CDC123: variants seen among roughly 807,000 people sequenced by gnomAD.
CDC123 encodes the protein translation initiation factor eIF2 assembly protein.
A neutral mutation model predicts 54.4 loss-of-function variants in CDC123; 37 were observed. The ratio of observed to expected loss-of-function variants is 0.68; its 90% CI spans 0.52 to 0.89. CDC123 has a LOEUF of 0.89. CDC123 is among the 40% of genes least tolerant of loss of function. The probability of loss-of-function intolerance (pLI) is 0.00; values close to 1 mark genes in which losing one functional copy is unlikely to be tolerated. For missense variants in CDC123, 361 were observed against 412.1 expected (o/e 0.88, Z 1.07); for synonymous variants, 144 against 136.8 (o/e 1.05, Z -0.37).
intron 4 of CDC123, among the ~76,000 whole-genome samples, chr10:12,214,881 G>A (rs190944730): frequency 6.6e-6 from 1 of 152,046 alleles, no homozygotes; most frequent in Non-Finnish European, 1.5e-5. Flanking sequence ...CCTCTTTACA[G>A]GGTATAAATG....
chr10:12,229,753 C>G (rs566772471), intron 6 of CDC123, among the ~76,000 whole-genome samples: 1 of 152,120 alleles, frequency 6.6e-6, no homozygotes, highest in Non-Finnish European at 1.5e-5. Flanking sequence ...ATTTAATAAG[C>G]GATATGAAAC....
intron 2 of CDC123, among the ~76,000 whole-genome samples, chr10:12,203,431 TG>T (rs1835470136): frequency 1.3e-5 from 2 of 152,252 alleles, no homozygotes; most frequent in Admixed American, 1.3e-4. Flanking sequence ...AGGCCAAGTA[TG>T]ATGACTAGTT....
chr10:12,199,118 A>G (rs1835404934), intron 2 of CDC123, among the ~76,000 whole-genome samples: 1 of 152,164 alleles, frequency 6.6e-6, no homozygotes, highest in Non-Finnish European at 1.5e-5. Flanking sequence ...TTAAAAATTC[A>G]CTGTTGCAAA....
At chr10:12,249,871 A>G in intron 12 of CDC123, 153 bp downstream of exon 12, 2 of 1,014,922 alleles carry the variant, frequency 2.0e-6, no homozygotes, top group South Asian at 4.2e-5. Context: ...TTCTAATTAA[A>G]TATGAAATAG....
At chr10:12,221,278 C>T (rs1023270368) in intron 6 of CDC123, among the ~76,000 whole-genome samples, 11 of 2,528 alleles carry the variant, frequency 4.4e-3, no homozygotes, top group Non-Finnish European at 0.019. Context: ...TCACCAAGGT[C>T]GCCAGGGCTC....
chr10:12,228,409 GTTTT>G (rs34629160), intron 6 of CDC123, among the ~76,000 whole-genome samples: 4 of 137,834 alleles, frequency 2.9e-5, no homozygotes, highest in African/African-American at 7.7e-5. Flanking sequence ...GTTGTTTTTA[GTTTT>G]TTTTTTTTTT....
chr10:12,230,648 G>A (rs1293759559), intron 6 of CDC123, among the ~76,000 whole-genome samples: 1 of 152,206 alleles, frequency 6.6e-6, no homozygotes, highest in Non-Finnish European at 1.5e-5. Flanking sequence ...TTAAATCGTT[G>A]TTGACTGTAG....
At chr10:12,240,323 C>T (rs568353178) in intron 10 of CDC123, among the ~76,000 whole-genome samples, 15 of 152,222 alleles carry the variant, frequency 9.9e-5, no homozygotes, top group Non-Finnish European at 2.1e-4. Context: ...TGCGTTTTCC[C>T]GTGTCACCTA....
chr10:12,203,670 C>T (rs543446035), intron 2 of CDC123, among the ~76,000 whole-genome samples: 5 of 152,252 alleles, frequency 3.3e-5, no homozygotes, highest in Admixed American at 1.3e-4. Context: ...ACCAAGGAAA[C>T]GGGCACCAAG....
chr10:12,247,382 C>T (rs1246301394), intron 11 of CDC123: 1 of 120,410 alleles, frequency 8.3e-6, no homozygotes, highest in African/African-American at 3.6e-5. Flanking sequence ...CTCGCACCTC[C>T]CACTCTGGAC....
chr10:12,214,266 C>T (rs1460456561), intron 4 of CDC123, among the ~76,000 whole-genome samples: 5 of 152,124 alleles, frequency 3.3e-5, no homozygotes, highest in Admixed American at 2.0e-4. Flanking sequence ...GCAACAATGC[C>T]GTTCATAGGA....
At position 12,219,945 on chromosome 10, in the gene CDC123, C is replaced by T. The variant is rs531319357; in HGVS notation, c.440+2478C>T. Among the ~76,000 whole-genome samples, 7 of 152,324 alleles carry T rather than the reference C, an allele frequency of 4.6e-5. No homozygotes were observed. In the South Asian group the frequency reaches 1.4e-3, roughly 32 times the overall value. On this transcript the variant is annotated intron_variant, in intron 6 of 12. Transcript: ENST00000281141. ...CCTCGTGATCCGCCTGCCTAGGCCT[C>T]CCAAAGTGCTGGAATTACAGGCGTG...
chr10:12,215,748 A>G lies in CDC123; in HGVS notation c.246A>G (p.Glu82=), dbSNP rs372683395. 1 of 1,608,258 alleles carries G rather than the reference A, an allele frequency of 6.2e-7. No homozygotes were observed. Among genetic ancestry groups the G allele is most frequent in the Non-Finnish European group, 8.5e-7 (1 of 1,177,092 alleles). The change falls in exon 5 of 13, where the codon GAA becomes GAG. Residue 82 remains glutamate, a synonymous_variant. Transcript: ENST00000281141. ...DENTATLTAP[E]FPEFATKVQE... is the part of the protein sequence containing the mutation. ...TTCTTCTCTCTCTGTAGGCACCAGAATTTCCTGAGTTTGCCACTAAAGTCC... is the reference window on the plus strand; with the variant it reads ...TTCTTCTCTCTCTGTAGGCACCAGAGTTTCCTGAGTTTGCCACTAAAGTCC...
chr10:12,196,987 G>A (rs1835362223), intron 1 of CDC123, among the ~76,000 whole-genome samples: 1 of 152,104 alleles, frequency 6.6e-6, no homozygotes, highest in African/African-American at 2.4e-5. Flanking sequence ...GATTTTCTGA[G>A]CCAACATTTC....
intron 4 of CDC123, among the ~76,000 whole-genome samples, chr10:12,214,899 A>G (rs1835644058): frequency 6.6e-6 from 1 of 152,154 alleles, no homozygotes; most frequent in South Asian, 2.1e-4. Context: ...ATGAAAATTA[A>G]TGACTGCGTG....
Position 12,215,751 on chromosome 10 carries a change from T to C in CDC123, c.249T>C (p.Phe83=). The part of the protein sequence containing the change: ...ENTATLTAPE[F]PEFATKVQEA... Reference sequence around the variant, plus strand: ...TTCTCTCTCTGTAGGCACCAGAATTTCCTGAGTTTGCCACTAAAGTCCAGG... The same window carrying C: ...TTCTCTCTCTGTAGGCACCAGAATTCCCTGAGTTTGCCACTAAAGTCCAGG... Residue 83 remains phenylalanine (F), a synonymous_variant, in exon 5 of 13, where the codon TTT becomes TTC. Transcript: ENST00000281141. 1 of 1,609,454 alleles carries C rather than the reference T, an allele frequency of 6.2e-7. No individual in the cohort carries two copies. The highest frequency in any genetic ancestry group is 8.5e-7 in the Non-Finnish European group (1 of 1,177,924).
intron 10 of CDC123, among the ~76,000 whole-genome samples, chr10:12,238,817 C>G (rs1286400019): frequency 6.6e-6 from 1 of 151,980 alleles, no homozygotes; most frequent in East Asian, 1.9e-4. Context: ...GTCAGGAGTT[C>G]AAGATCAGCC....
intron 9 of CDC123, 89 bp downstream of exon 9, chr10:12,237,355 A>C: frequency 9.2e-7 from 1 of 1,089,222 alleles, no homozygotes; most frequent in Non-Finnish European, 1.2e-6. Flanking sequence ...CCTAATAACT[A>C]GATTTGAAAT....
At position 12,249,707 on chromosome 10, in the gene CDC123, T is replaced by G. The variant is rs1334704684; in HGVS notation, c.973T>G (p.Phe325Val). The change falls in exon 12 of 13, where the codon TTC becomes GTC. Residue 325 changes from phenylalanine (F) to valine (V), a missense_variant. Phe to Val is a conservative substitution (Grantham distance 50). Coordinates refer to ENST00000281141, the MANE Select transcript of CDC123 (RefSeq NM_006023.3). ...TGEDAHKLID[F>V]LKLKRNQQED... is the part of the protein sequence containing the mutation. ...GGAGGACGCTCACAAGCTAATAGAC[T>G]TCCTTAAGCTGGTAAAGTCTATGTG... is the stretch of plus-strand genomic sequence containing the variant. 6.2e-7 allele frequency: 1 copy of G among 1,608,404 alleles called. No homozygotes were observed. Among genetic ancestry groups the G allele is most frequent in the Non-Finnish European group, 8.5e-7 (1 of 1,178,536 alleles).
Sources: gnomAD v4.1 joint callset for allele counts (sites outside exome capture counted in the v4.1 genomes callset) on GRCh38, gnomAD v4.1.1 for gene constraint, MANE v1.5 for transcripts, NCBI Gene and HGNC (gene_info 2026-07-23, HGNC 2026-07-21) for gene names.